The following KIAA1217 variants were observed in gnomAD, a reference collection of about 807,000 sequenced individuals.
The protein encoded by KIAA1217 is KIAA1217.
KIAA1217 carries 88 observed loss-of-function variants against 163.9 expected under a neutral mutation model. The ratio of observed to expected loss-of-function variants is 0.54; its 90% confidence interval spans 0.45 to 0.64. The LOEUF (loss-of-function observed/expected upper bound fraction) is 0.64. Among genes scored for constraint, KIAA1217 ranks in the 30% least tolerant of loss-of-function variants. The pLI, the probability that KIAA1217 is intolerant of heterozygous loss-of-function variation, is 0.00. For missense variants in KIAA1217, 2,372 were observed against 2,475.0 expected, an observed-to-expected ratio of 0.96 and a Z score of 0.88; for synonymous variants, 903 against 923.1, an observed-to-expected ratio of 0.98 and a Z score of 0.39.
intron 2 of KIAA1217, among the ~76,000 whole-genome samples, chr10:24,323,004 G>A (rs1029219213): frequency 1.3e-5 from 2 of 152,092 alleles, no homozygotes; most frequent in African/African-American, 2.4e-5. Context: ...AGGCTAGAGT[G>A]CAGTGCCACA....
chr10:24,289,496 C>T (rs982696754), intron 2 of KIAA1217, among the ~76,000 whole-genome samples: 5 of 151,966 alleles, frequency 3.3e-5, no homozygotes, highest in Non-Finnish European at 5.9e-5. Context: ...GATGGAAGAT[C>T]GCAGTTGGGG....
chr10:23,859,862 TC>T, intron 1 of KIAA1217, among the ~76,000 whole-genome samples: 1 of 152,210 alleles, frequency 6.6e-6, no homozygotes. Flanking sequence ...TTTTTTTTTT[TC>T]TTGGCAGCCA....
chr10:23,900,863 C>G lies in KIAA1217; in HGVS notation c.-320-106362C>G, dbSNP rs553326808. On this transcript the variant is annotated intron_variant, in intron 1 of 18. Transcript: ENST00000376462. ...AGGGTAAGCTATAAAGCTTTTCTAT[C>G]CATCCATTACTCACCTGCAAAATGA... Among the ~76,000 whole-genome samples, 66 of 152,154 alleles carry G rather than the reference C, an allele frequency of 4.3e-4. 2 individuals are homozygous for G. In the South Asian group the frequency reaches 7.7e-3, roughly 18 times the overall value.
chr10:24,490,929 A>C (rs554273539), intron 6 of KIAA1217, among the ~76,000 whole-genome samples: 1 of 152,338 alleles, frequency 6.6e-6, no homozygotes, highest in Non-Finnish European at 1.5e-5. Flanking sequence ...CAAGCCAAGC[A>C]TGTGGGTACC....
intron 1 of KIAA1217, among the ~76,000 whole-genome samples, chr10:23,800,012 T>G (rs1189137412): frequency 6.6e-6 from 1 of 152,218 alleles, no homozygotes; most frequent in Non-Finnish European, 1.5e-5. Context: ...GGAACAATTT[T>G]GTTTGCTTTG....
At chr10:23,986,253 T>C (rs749577179) in intron 1 of KIAA1217, among the ~76,000 whole-genome samples, 1 of 152,236 alleles carries the variant, frequency 6.6e-6, no homozygotes, top group Non-Finnish European at 1.5e-5. Context: ...TCTCTGACTC[T>C]ATGACCATGA....
chr10:24,101,166 C>G (rs1391938434), intron 2 of KIAA1217, among the ~76,000 whole-genome samples: 1 of 152,120 alleles, frequency 6.6e-6, no homozygotes, highest in African/African-American at 2.4e-5. Context: ...GAGTCAAGGT[C>G]AAAATACAGC....
Position 24,402,523 on chromosome 10 carries a change from C to CAAAA in KIAA1217, c.553+21457_553+21460dup, listed in dbSNP as rs1173653514. 3.1e-4 allele frequency among the ~76,000 whole-genome samples: 22 copies of CAAAA among 71,022 alleles called. 1 individual carries two copies. The highest frequency in any genetic ancestry group is 6.5e-4 in the African/African-American group (14 of 21,458). The allele number at this position is 71,022 out of a possible 152,430, so 46.6% of individuals were successfully genotyped here. A position where few individuals can be genotyped will look rare whatever the true frequency, so the allele number is the denominator to read the frequency against. ...GACTCCCTCTCAAAAAAACAAAAAACAAAACAAAAAAAAAAAAAAGGCAAA... is the reference window on the plus strand; with the variant it reads ...GACTCCCTCTCAAAAAAACAAAAAACAAAAAAAACAAAAAAAAAAAAAAGGCAAA... On this transcript the variant is annotated intron_variant, in intron 3 of 20. Coordinates refer to ENST00000376454, the MANE Select transcript of KIAA1217 (RefSeq NM_019590.5).
chr10:24,135,587 AG>A (rs2063802905), intron 2 of KIAA1217, among the ~76,000 whole-genome samples: 1 of 152,082 alleles, frequency 6.6e-6, no homozygotes, highest in African/African-American at 2.4e-5. Flanking sequence ...TAAGGAGGAC[AG>A]AGCTAGAGGA....
intron 2 of KIAA1217, among the ~76,000 whole-genome samples, chr10:24,031,809 G>A (rs1233003394): frequency 6.6e-6 from 1 of 152,172 alleles, no homozygotes; most frequent in Non-Finnish European, 1.5e-5. Context: ...ATGATCACAT[G>A]ATTTTCAAAA....
intron 6 of KIAA1217, among the ~76,000 whole-genome samples, chr10:24,478,053 C>T (rs779012116): frequency 1.5e-4 from 23 of 152,148 alleles, no homozygotes; most frequent in African/African-American, 5.3e-4. Flanking sequence ...CATTTTACAT[C>T]GAAGATGTGA....
intron 2 of KIAA1217, among the ~76,000 whole-genome samples, chr10:24,082,139 A>T (rs1247779412): frequency 6.6e-6 from 1 of 152,168 alleles, no homozygotes; most frequent in African/African-American, 2.4e-5. Context: ...GGAATGACTG[A>T]TGGCTGTGGA....
intron 2 of KIAA1217, among the ~76,000 whole-genome samples, chr10:24,141,875 T>C (rs919804532): frequency 1.3e-5 from 2 of 151,730 alleles, no homozygotes; most frequent in East Asian, 3.9e-4. Context: ...TTGTTTTTTT[T>C]TAGTGTTTTT....
intron 1 of KIAA1217, among the ~76,000 whole-genome samples, chr10:23,970,277 C>G (rs1007730290): frequency 6.6e-6 from 1 of 152,140 alleles, no homozygotes; most frequent in Non-Finnish European, 1.5e-5. Flanking sequence ...ACATTTAGTT[C>G]TATGTTCTAT....
At chr10:23,876,971 ACT>A (rs1840726394) in intron 1 of KIAA1217, among the ~76,000 whole-genome samples, 1 of 151,856 alleles carries the variant, frequency 6.6e-6, no homozygotes, top group African/African-American at 2.4e-5. Flanking sequence ...AGTTAGACTG[ACT>A]CTGCCATTAA....
intron 2 of KIAA1217, among the ~76,000 whole-genome samples, chr10:24,311,513 A>G (rs1210833038): frequency 6.6e-6 from 1 of 152,256 alleles, no homozygotes; most frequent in Non-Finnish European, 1.5e-5. Context: ...AAAAGACCCA[A>G]GGAGTAATGA....
chr10:24,113,168 C>A (rs886546539), intron 2 of KIAA1217, among the ~76,000 whole-genome samples: 6 of 152,150 alleles, frequency 3.9e-5, no homozygotes, highest in African/African-American at 1.4e-4. Flanking sequence ...GGACATACAG[C>A]TTGATCATAT....
At chr10:24,252,151 C>A (rs1002530538) in intron 2 of KIAA1217, among the ~76,000 whole-genome samples, 3 of 152,088 alleles carry the variant, frequency 2.0e-5, no homozygotes, top group Admixed American at 1.3e-4. Flanking sequence ...GGAATTGTCT[C>A]CTTCAAGATT....
chr10:23,813,965 T>G (rs182607714), intron 1 of KIAA1217, among the ~76,000 whole-genome samples: 70 of 152,284 alleles, frequency 4.6e-4, no homozygotes, highest in African/African-American at 1.6e-3. Flanking sequence ...AGCTGTCAAT[T>G]CAGGATGATG....
Sources: gnomAD v4.1 joint callset for allele counts (sites outside exome capture counted in the v4.1 genomes callset) on GRCh38, gnomAD v4.1.1 for gene constraint, MANE v1.5 for transcripts, NCBI Gene and HGNC (gene_info 2026-07-23, HGNC 2026-07-21) for gene names.